ANO3: variants seen among roughly 807,000 people sequenced by gnomAD.
ANO3 encodes the protein anoctamin-3.
In ANO3, 99 loss-of-function variants were observed where a neutral mutation model predicts 144.8. That is an observed-to-expected ratio of 0.68 (90% CI 0.58 to 0.81). The LOEUF is 0.81. ANO3 is among the 30% of genes least tolerant of loss of function. ANO3 has a pLI of 0.00. For synonymous variants in ANO3, 414 were observed against 392.6 expected, an observed-to-expected ratio of 1.05 and a Z score of -0.64; for missense variants, 905 against 1,202.2, an observed-to-expected ratio of 0.75 and a Z score of 3.66.
At chr11:26,442,416 C>T (rs934621414) in intron 2 of ANO3, among the ~76,000 whole-genome samples, 1 of 152,184 alleles carries the variant, frequency 6.6e-6, no homozygotes. Context: ...GAGTAACATT[C>T]CTGGCGAGAA....
chr11:26,431,655 T>C (rs1858094789), intron 1 of ANO3, among the ~76,000 whole-genome samples: 1 of 152,216 alleles, frequency 6.6e-6, no homozygotes, highest in Non-Finnish European at 1.5e-5. Flanking sequence ...TGATGTTTGG[T>C]TTTCTGTTCC....
chr11:26,445,043 G>A (rs1858654532), intron 3 of ANO3, among the ~76,000 whole-genome samples: 1 of 152,042 alleles, frequency 6.6e-6, no homozygotes. Flanking sequence ...GAGACCAGAA[G>A]TATTTCAGAT....
intron 1 of ANO3, among the ~76,000 whole-genome samples, chr11:26,353,380 C>T (rs1855696495): frequency 6.6e-6 from 1 of 152,192 alleles, no homozygotes; most frequent in Admixed American, 6.5e-5. Flanking sequence ...CTACCTTATG[C>T]AGCTATTTCA....
chr11:26,281,446 A>C (rs915032995), intron 1 of ANO3, among the ~76,000 whole-genome samples: 1 of 152,152 alleles, frequency 6.6e-6, no homozygotes, highest in African/African-American at 2.4e-5. Context: ...CTAAATTTTT[A>C]TTAGCTAAGA....
At chr11:26,188,981 G>A (rs1851426298) in exon 1 of ANO3, 1 of 154,976 alleles carries the variant, frequency 6.5e-6, no homozygotes, top group Non-Finnish European at 1.4e-5. Flanking sequence ...AATTGTCTAG[G>A]AAAGGCATTA....
chr11:26,323,855 T>G (rs1854820954), intron 1 of ANO3, among the ~76,000 whole-genome samples: 1 of 152,156 alleles, frequency 6.6e-6, no homozygotes, highest in African/African-American at 2.4e-5. Context: ...ATAATACCCT[T>G]TGTGACATTT....
intron 1 of ANO3, among the ~76,000 whole-genome samples, chr11:26,251,206 T>A (rs1852920265): frequency 6.6e-6 from 1 of 152,184 alleles, no homozygotes; most frequent in Admixed American, 6.5e-5. Flanking sequence ...CACTTTTTTT[T>A]CCATGAAATT....
chr11:26,470,866 C>A (rs1859756995), intron 4 of ANO3, among the ~76,000 whole-genome samples: 1 of 151,928 alleles, frequency 6.6e-6, no homozygotes, highest in Non-Finnish European at 1.5e-5. Context: ...TAATAAATGA[C>A]TGAGCCAGGA....
At chr11:26,567,223 G>T in intron 14 of ANO3, 2 of 852,372 alleles carry the variant, frequency 2.3e-6, no homozygotes, top group South Asian at 1.1e-4. Context: ...TGCTTTTAAT[G>T]GAAAATTTAC....
At chr11:26,248,103 G>A (rs904895334) in intron 1 of ANO3, among the ~76,000 whole-genome samples, 1 of 151,942 alleles carries the variant, frequency 6.6e-6, no homozygotes, top group African/African-American at 2.4e-5. Context: ...ATGTTGGGAG[G>A]CCCAGGCGGG....
At chr11:26,204,461 G>A (rs931064642) in intron 1 of ANO3, among the ~76,000 whole-genome samples, 14 of 152,186 alleles carry the variant, frequency 9.2e-5, no homozygotes, top group South Asian at 8.3e-4. Flanking sequence ...AAAAGTAGGC[G>A]TGGATATCTA....
intron 1 of ANO3, among the ~76,000 whole-genome samples, chr11:26,437,196 A>T (rs2134017163): frequency 6.6e-6 from 1 of 152,208 alleles, no homozygotes; most frequent in South Asian, 2.1e-4. Context: ...GGGTATGTAC[A>T]AGGGTCTAAC....
At chr11:26,570,988 A>G (rs1211887656) in intron 14 of ANO3, among the ~76,000 whole-genome samples, 1 of 152,130 alleles carries the variant, frequency 6.6e-6, no homozygotes, top group Non-Finnish European at 1.5e-5. Flanking sequence ...AGAAAAAATA[A>G]AAAAGAAAAG....
intron 1 of ANO3, among the ~76,000 whole-genome samples, chr11:26,255,684 T>C (rs1188556056): frequency 6.6e-6 from 1 of 152,110 alleles, no homozygotes; most frequent in African/African-American, 2.4e-5. Flanking sequence ...TGTAGACTAG[T>C]GACTCTGATT....
intron 2 of ANO3, among the ~76,000 whole-genome samples, 192 bp from the exon 3 acceptor site, chr11:26,443,573 G>A (rs746089559): frequency 1.3e-5 from 2 of 152,180 alleles, no homozygotes; most frequent in African/African-American, 2.4e-5. Flanking sequence ...TTGCACTCCA[G>A]CCTGAGTGAC....
intron 1 of ANO3, among the ~76,000 whole-genome samples, chr11:26,433,343 G>A (rs1297848389): frequency 6.6e-6 from 1 of 152,156 alleles, no homozygotes; most frequent in Admixed American, 6.5e-5. Flanking sequence ...AGCAGACAGG[G>A]AAAATATGAC....
chr11:26,628,153 G>A (rs530439350), intron 18 of ANO3, among the ~76,000 whole-genome samples: 5 of 152,156 alleles, frequency 3.3e-5, no homozygotes, highest in African/African-American at 9.6e-5. Flanking sequence ...CAGGATGGCT[G>A]TTAATTTTTC....
intron 1 of ANO3, among the ~76,000 whole-genome samples, chr11:26,356,299 G>C (rs1190968534): frequency 1.3e-5 from 2 of 151,940 alleles, no homozygotes; most frequent in Non-Finnish European, 2.9e-5. Context: ...GGTAAGATTC[G>C]ACATATGTAT....
intron 1 of ANO3, among the ~76,000 whole-genome samples, chr11:26,203,984 C>T (rs1036763791): frequency 1.8e-4 from 27 of 152,170 alleles, no homozygotes; most frequent in African/African-American, 6.3e-4. Context: ...GTGGATTATT[C>T]CAGAGCTGGT....
Sources: gnomAD v4.1 joint callset for allele counts (sites outside exome capture counted in the v4.1 genomes callset) on GRCh38, gnomAD v4.1.1 for gene constraint, MANE v1.5 for transcripts, NCBI Gene and HGNC (gene_info 2026-07-23, HGNC 2026-07-21) for gene names.